The following CACNA1A variants were observed in gnomAD, a reference collection of about 807,000 sequenced individuals.
CACNA1A encodes the protein voltage-dependent P/Q-type calcium channel subunit alpha-1A.
In CACNA1A, 57 loss-of-function variants were observed where a neutral mutation model predicts 262.4. The observed-to-expected ratio is 0.22, with a 90% CI of 0.18 to 0.27. The LOEUF is 0.27. CACNA1A is among the 10% of genes least tolerant of loss of function. The pLI, the probability that CACNA1A is intolerant of heterozygous loss-of-function variation, is 1.00. For missense variants in CACNA1A, 2,526 were observed against 3,562.8 expected (o/e 0.71, Z 7.41); for synonymous variants, 1,431 against 1,419.3 (o/e 1.01, Z -0.18).
rs1228615354 is a variant in CACNA1A, at chr19:13,227,654, G to A, written c.5529-127C>T. 2.3e-5 allele frequency: 9 copies of A among 389,422 alleles called. No homozygotes were observed. In the South Asian group the frequency reaches 2.9e-4, roughly 13 times the overall value. 24.1% of individuals were successfully genotyped at this position (389,422 alleles called of 1,614,324 possible). ...AAGAAAAAAGAAATCCACACGAGCC[G>A]AAAAAATAGAGAGAGAAAGATGCAG... On this transcript the variant is annotated intron_variant, in intron 36 of 46. Coordinates refer to ENST00000360228, the MANE Select transcript of CACNA1A (RefSeq NM_001127222.2).
chr19:13,471,821 A>G lies in CACNA1A; in HGVS notation c.294-16609T>C, dbSNP rs188048896. On this transcript the variant is annotated intron_variant, in intron 1 of 46. Transcript: ENST00000360228. Reference sequence around the variant, plus strand: ...GATGAGGAGCAACTGCCTCATGGATACAGGGTTTTCTGGAGGGGTGGTGAT... The same window carrying G: ...GATGAGGAGCAACTGCCTCATGGATGCAGGGTTTTCTGGAGGGGTGGTGAT... Among the ~76,000 whole-genome samples the G allele has an allele frequency of 2.1e-3, 321 of 152,284 alleles. 2 individuals are homozygous for G. The highest frequency in any genetic ancestry group is 7.6e-3 in the African/African-American group (316 of 41,566).
chr19:13,371,741 G>A lies in CACNA1A; in HGVS notation c.578C>T (p.Thr193Met), dbSNP rs1365721398. ...CCGCAGCACTCGAACTGCCCTCAGCGTCCGTAGGTCAAACTCCGTCCCAAC... is the reference window on the plus strand; with the variant it reads ...CCGCAGCACTCGAACTGCCCTCAGCATCCGTAGGTCAAACTCCGTCCCAAC... ...ATVGTEFDLRTLRAVRVLRPL... is the reference protein window; with the variant it reads ...ATVGTEFDLRMLRAVRVLRPL... The change falls in exon 4 of 47, where the codon ACG becomes ATG. Residue 193 changes from threonine to methionine, a missense_variant. By Grantham distance (81) the Thr-to-Met change is moderately conservative. This residue lies in a region of CACNA1A where 77 missense variants were observed against 228.4 expected (regional missense o/e 0.34). Transcript: ENST00000360228. 1.3e-6 allele frequency: 2 copies of A among 1,579,952 alleles called. No homozygotes were observed. Among genetic ancestry groups the A allele is most frequent in the African/African-American group, 1.3e-5 (1 of 74,170 alleles).
intron 3 of CACNA1A, among the ~76,000 whole-genome samples, chr19:13,429,227 T>G (rs2038807040): frequency 6.7e-6 from 1 of 149,994 alleles, no homozygotes; most frequent in Non-Finnish European, 1.5e-5. Flanking sequence ...TCTCTCTTCT[T>G]GCAGCCTCTT....
At chr19:13,245,433 G>A (rs568600993) in intron 30 of CACNA1A, 168 bp from the exon 31 acceptor site, 1 of 625,454 alleles carries the variant, frequency 1.6e-6, no homozygotes, top group Admixed American at 2.3e-5. Flanking sequence ...CATCTGTGCT[G>A]AGTCTCCCTC....
intron 3 of CACNA1A, among the ~76,000 whole-genome samples, chr19:13,434,465 A>G (rs1390253856): frequency 3.3e-5 from 5 of 152,070 alleles, no homozygotes; most frequent in Non-Finnish European, 5.9e-5. Flanking sequence ...GTAATCCCCA[A>G]TGTTGGAGGT....
chr19:13,231,695 T>C lies in CACNA1A; in HGVS notation c.5400+15A>G. 2 of 1,605,298 alleles carry C rather than the reference T, an allele frequency of 1.2e-6. No individual in the cohort carries two copies. Among genetic ancestry groups the C allele is most frequent in the Non-Finnish European group, 1.7e-6 (2 of 1,175,830 alleles). On this transcript the variant is annotated intron_variant, in intron 35 of 46. Transcript: ENST00000360228. ...TAGGGAGCCCAGACGGCCCTCACAGTGTCCACAGACTCACCAGAAACGAGC... is the reference window on the plus strand; with the variant it reads ...TAGGGAGCCCAGACGGCCCTCACAGCGTCCACAGACTCACCAGAAACGAGC...
At chr19:13,229,009 C>G (rs1357714218) in intron 36 of CACNA1A, 1 of 327,484 alleles carries the variant, frequency 3.1e-6, no homozygotes, top group South Asian at 3.7e-5. Flanking sequence ...GGGCACCTCC[C>G]CTGGGGCTCT....
Position 13,209,418 on chromosome 19 carries a change from C to A in CACNA1A, c.6420G>T (p.Leu2140=). ...PKARRLDDYS[L]ERVPPEENQR... is the part of the protein sequence containing the mutation. ...GGTTCTCCTCGGGCGGGACCCGCTC[C>A]AGCGAGTAATCGTCCAGGCGTCGGG... Residue 2140 remains leucine (L), a synonymous_variant, in exon 45 of 47, where the codon CTG becomes CTT. Transcript: ENST00000360228. 1 of 1,393,234 alleles carries A rather than the reference C, an allele frequency of 7.2e-7. No individual in the cohort carries two copies. The highest frequency in any genetic ancestry group is 2.0e-4 in the Middle Eastern group (1 of 4,958). The allele number at this position is 1,393,234 out of a possible 1,614,324, so 86.3% of individuals were successfully genotyped here.
chr19:13,235,520 C>G, intron 32 of CACNA1A, 94 bp downstream of exon 32: 3 of 906,462 alleles, frequency 3.3e-6, no homozygotes, highest in Non-Finnish European at 5.5e-6. Flanking sequence ...GACTACATCA[C>G]AGAGGCACTT....
chr19:13,359,718 G>A lies in CACNA1A; in HGVS notation c.866C>T (p.Pro289Leu). Residue 289 changes from proline to leucine, a missense_variant, in exon 6 of 47, where the codon CCC becomes CTC. By Grantham distance (98) the Pro-to-Leu change is moderately conservative. Coordinates refer to ENST00000360228, the MANE Select transcript of CACNA1A (RefSeq NM_001127222.2). Reference protein sequence around the residue: ...RTCPNGTKCQPYWEGPNNGIT... With the variant: ...RTCPNGTKCQLYWEGPNNGIT... Reference sequence around the variant, plus strand: ...CCCGTTGTTGGGCCCTTCCCAGTAGGGCTGACATTTGGTCCCATTGGGGCA... The same window carrying A: ...CCCGTTGTTGGGCCCTTCCCAGTAGAGCTGACATTTGGTCCCATTGGGGCA... 6.3e-7 allele frequency: 1 copy of A among 1,587,712 alleles called. No individual in the cohort carries two copies. The highest frequency in any genetic ancestry group is 8.6e-7 in the Non-Finnish European group (1 of 1,166,756).
rs560781268 is a variant in CACNA1A at position 13,227,618 on chromosome 19, G to T, written c.5529-91C>A. On this transcript the variant is annotated intron_variant, in intron 36 of 46. Transcript: ENST00000360228. ...AGAACCAAAGGAAGAGAGGTGGGGA[G>T]AAACAGAAGAAAGAAAAAAGAAATC... The T allele has an allele frequency of 1.0e-5, 5 of 492,290 alleles. No homozygotes were observed. In the South Asian group the frequency reaches 3.0e-4, roughly 29 times the overall value. 30.5% of individuals were successfully genotyped at this position (492,290 alleles called of 1,614,324 possible).
intron 1 of CACNA1A, among the ~76,000 whole-genome samples, chr19:13,498,355 A>G (rs143055045): frequency 1.1e-3 from 172 of 152,196 alleles, no homozygotes; most frequent in African/African-American, 4.0e-3. Context: ...AATTACATAT[A>G]TTTTTTACAC....
chr19:13,305,287 T>C (rs192900163), intron 15 of CACNA1A, among the ~76,000 whole-genome samples: 3 of 152,260 alleles, frequency 2.0e-5, no homozygotes, highest in Non-Finnish European at 4.4e-5. Flanking sequence ...AAATTCACAG[T>C]ACTGCTGGAC....
chr19:13,209,529 G>A (rs761242436), intron 44 of CACNA1A, 31 bp from the exon 45 acceptor site: 12 of 1,279,564 alleles, frequency 9.4e-6, no homozygotes, highest in Non-Finnish European at 1.1e-5. Context: ...GTGGGCTGGG[G>A]TCAGCAGCTA....
chr19:13,225,000 T>A (rs1026171558), intron 37 of CACNA1A: 24 of 434,396 alleles, frequency 5.5e-5, no homozygotes, highest in African/African-American at 4.4e-4. Context: ...CTCTCCTTTT[T>A]TCCCCCACCT....
At chr19:13,374,877 C>T (rs2059379520) in intron 3 of CACNA1A, among the ~76,000 whole-genome samples, 1 of 152,122 alleles carries the variant, frequency 6.6e-6, no homozygotes, top group South Asian at 2.1e-4. Flanking sequence ...CCCTGTGTTG[C>T]CCAGGCTGGC....
chr19:13,346,609 TAA>T (rs2058766992), intron 6 of CACNA1A, among the ~76,000 whole-genome samples: 3 of 118,512 alleles, frequency 2.5e-5, no homozygotes, highest in Non-Finnish European at 5.1e-5. Context: ...GGAAAATTTT[TAA>T]TTGATTATAT....
At position 13,308,362 on chromosome 19, in the gene CACNA1A, C is replaced by A. The variant is rs1042665631; in HGVS notation, c.1781+54G>T. ...CCCAACTTTCTGGAGGCGGCCCCACCATGTCCCCCATCCCCACCCCCTGTA... is the reference window on the plus strand; with the variant it reads ...CCCAACTTTCTGGAGGCGGCCCCACAATGTCCCCCATCCCCACCCCCTGTA... On this transcript the variant is annotated intron_variant, in intron 13 of 46. Coordinates refer to ENST00000360228, the MANE Select transcript of CACNA1A (RefSeq NM_001127222.2). This position sits in a 1 kb window ranked among gnomAD's most constrained non-coding sequence, Gnocchi z 4.2. 4.0e-5 allele frequency: 61 copies of A among 1,541,824 alleles called. No homozygotes were observed. Among genetic ancestry groups the A allele is most frequent in the Admixed American group, 5.8e-5 (3 of 52,152 alleles).
chr19:13,472,743 CTTATT>C (rs1555792148), intron 1 of CACNA1A, among the ~76,000 whole-genome samples: 3 of 152,274 alleles, frequency 2.0e-5, no homozygotes, highest in South Asian at 4.1e-4. Flanking sequence ...TAGTAGGTTA[CTTATT>C]TTATTTTATT....
Sources: allele counts gnomAD v4.1 joint callset (sites outside exome capture counted in the v4.1 genomes callset), GRCh38; gene constraint gnomAD v4.1.1; regional missense constraint gnomAD v4.1.1; non-coding constraint Gnocchi (gnomAD v3.1); transcripts MANE v1.5; gene names NCBI Gene and HGNC (gene_info 2026-07-23, HGNC 2026-07-21).